The following EPM2A variants were observed in gnomAD, a reference collection of about 807,000 sequenced individuals.
EPM2A encodes the protein laforin.
In EPM2A, 21 loss-of-function variants were observed where a neutral mutation model predicts 26.5. That is an observed-to-expected ratio of 0.79 (90% confidence interval 0.56 to 1.14). The LOEUF (loss-of-function observed/expected upper bound fraction) is 1.14, where lower values mean the gene tolerates loss of function less well. Ranked by LOEUF, EPM2A falls within the 50% of genes most tolerant of loss-of-function variation. The pLI is 0.00. For missense variants in EPM2A, 458 were observed against 440.8 expected (o/e 1.04, Z -0.35); for synonymous variants, 217 against 177.6 (o/e 1.22, Z -1.76).
intron 2 of EPM2A, among the ~76,000 whole-genome samples, chr6:145,603,044 C>G (rs1167971340): frequency 1.3e-5 from 2 of 152,048 alleles, no homozygotes; most frequent in African/African-American, 4.8e-5. Context: ...ATGAAGTGGC[C>G]AGAGAGATCC....
intron 3 of EPM2A, chr6:145,634,365 C>G (rs1391326893): frequency 6.6e-6 from 1 of 152,516 alleles, no homozygotes; most frequent in East Asian, 1.9e-4. Context: ...CCCTAGCATG[C>G]CCTTTCTCCC....
At chr6:145,432,595 T>C (rs1778936167) in intron 4 of EPM2A, among the ~76,000 whole-genome samples, 1 of 152,096 alleles carries the variant, frequency 6.6e-6, no homozygotes, top group African/African-American at 2.4e-5. Flanking sequence ...AGCTTTCTTG[T>C]TCCATTTATA....
intron 4 of EPM2A, among the ~76,000 whole-genome samples, chr6:145,450,182 T>G (rs1281372281): frequency 6.6e-6 from 1 of 151,114 alleles, no homozygotes; most frequent in Non-Finnish European, 1.5e-5. Context: ...TGAAACCCCG[T>G]CTCTACTAAA....
At chr6:145,477,291 G>A (rs898351483) in intron 4 of EPM2A, among the ~76,000 whole-genome samples, 1 of 151,700 alleles carries the variant, frequency 6.6e-6, no homozygotes, top group Non-Finnish European at 1.5e-5. Flanking sequence ...ATAATAAAAA[G>A]TCTTCCAGTA....
chr6:145,707,049 G>C (rs1031315806), intron 1 of EPM2A, among the ~76,000 whole-genome samples: 12 of 152,176 alleles, frequency 7.9e-5, no homozygotes, highest in African/African-American at 2.7e-4. Flanking sequence ...GAAACAAAGA[G>C]AAAGCCAAAT....
chr6:145,718,476 G>T (rs1225023090), intron 1 of EPM2A, among the ~76,000 whole-genome samples: 1 of 151,940 alleles, frequency 6.6e-6, no homozygotes, highest in Non-Finnish European at 1.5e-5. Flanking sequence ...ATTCAAGACA[G>T]ATTAAAGACT....
At chr6:145,621,811 G>A (rs935730941), downstream of EPM2A, among the ~76,000 whole-genome samples, 5 of 151,988 alleles carry the variant, frequency 3.3e-5, no homozygotes, top group African/African-American at 9.7e-5. Context: ...TGCTTGTGAC[G>A]TGTTTGGGTT....
chr6:145,527,159 C>T (rs774767536), intron 2 of EPM2A, among the ~76,000 whole-genome samples: 7 of 151,880 alleles, frequency 4.6e-5, no homozygotes, highest in African/African-American at 7.3e-5. Flanking sequence ...TATTTGGTAT[C>T]ATTTTGATTT....
intron 2 of EPM2A, among the ~76,000 whole-genome samples, chr6:145,525,092 T>C (rs1780252545): frequency 6.6e-6 from 1 of 152,080 alleles, no homozygotes; most frequent in South Asian, 2.1e-4. Context: ...TATGCAGCTT[T>C]ATTTCTGGGT....
intron 4 of EPM2A, among the ~76,000 whole-genome samples, chr6:145,476,033 C>A (rs1779538909): frequency 6.6e-6 from 1 of 151,894 alleles, no homozygotes; most frequent in Non-Finnish European, 1.5e-5. Context: ...AAACATACTT[C>A]ACATATAAAG....
At chr6:145,482,028 A>G (rs1026148948) in intron 4 of EPM2A, among the ~76,000 whole-genome samples, 1 of 152,178 alleles carries the variant, frequency 6.6e-6, no homozygotes, top group Admixed American at 6.6e-5. Flanking sequence ...AAAAAAAGGC[A>G]TCATAAGAAA....
At chr6:145,419,189 C>T (rs546122115) in intron 4 of EPM2A, among the ~76,000 whole-genome samples, 6 of 150,390 alleles carry the variant, frequency 4.0e-5, no homozygotes, top group East Asian at 2.0e-4. Flanking sequence ...GTCCCCCCCC[C>T]CCGCTCCTTT....
chr6:145,398,545 C>A (rs2114664403), intron 4 of EPM2A, among the ~76,000 whole-genome samples: 1 of 152,208 alleles, frequency 6.6e-6, no homozygotes, highest in East Asian at 1.9e-4. Flanking sequence ...CAAGAGCTTC[C>A]TAAATCCATT....
At chr6:145,635,589 T>C (rs1776599875) in intron 2 of EPM2A, 103 bp from the exon 3 acceptor site, 7 of 1,140,930 alleles carry the variant, frequency 6.1e-6, no homozygotes, top group Non-Finnish European at 9.2e-6. Flanking sequence ...AACCTTTAAG[T>C]CTGGCACAGG....
At chr6:145,661,711 C>G (rs1210939551) in intron 2 of EPM2A, among the ~76,000 whole-genome samples, 1 of 152,172 alleles carries the variant, frequency 6.6e-6, no homozygotes, top group African/African-American at 2.4e-5. Flanking sequence ...AACTTTTACT[C>G]TACTTGATTT....
rs780826386 is a variant in EPM2A, at chr6:145,627,426, C to T, written c.986G>A (p.Cys329Tyr). ...QKFGKVRSSVCSL is the reference protein window; with the variant it reads ...QKFGKVRSSVYSL The stretch of plus-strand genomic sequence containing the variant: ...AAGCAGGCTGACCAGCTACAGGCTA[C>T]ACACAGAAGAACGAACCTTCCCAAA... Residue 329 changes from cysteine to tyrosine, a missense_variant, in exon 4 of 4, where the codon TGT (cysteine) becomes TAT (tyrosine). By Grantham distance (194) the Cys-to-Tyr change is radical. Coordinates refer to ENST00000367519, the MANE Select transcript of EPM2A (RefSeq NM_005670.4). The T allele has an allele frequency of 2.0e-5, 33 of 1,614,216 alleles. No individual in the cohort carries two copies. The highest frequency in any genetic ancestry group is 2.7e-5 in the Non-Finnish European group (32 of 1,180,054).
In EPM2A at chr6:145,542,656, C is replaced by T. The variant is rs74994259; in HGVS notation, c.341-40081G>A. 2.0e-4 allele frequency among the ~76,000 whole-genome samples: 30 copies of T among 152,288 alleles called. No homozygotes were observed. In the East Asian group the frequency reaches 5.6e-3, roughly 28 times the overall value. On this transcript the variant is annotated intron_variant, in intron 2 of 3. Coordinates refer to the EPM2A transcript ENST00000450221. The stretch of plus-strand genomic sequence containing the variant: ...GAAGCCAGGGACCCTTGTTAGTCCC[C>T]TCTGGACAGTCAAATGTTGTTTTGG...
intron 2 of EPM2A, among the ~76,000 whole-genome samples, chr6:145,527,240 A>G (rs113864821): frequency 2.6e-5 from 4 of 152,242 alleles, no homozygotes; most frequent in African/African-American, 9.6e-5. Context: ...TTCCATGTGC[A>G]GATGAGAAGA....
intron 2 of EPM2A, among the ~76,000 whole-genome samples, chr6:145,651,368 C>A (rs942276972): frequency 6.6e-6 from 1 of 152,082 alleles, no homozygotes; most frequent in African/African-American, 2.4e-5. Context: ...TTTGTGGCAC[C>A]CTGATGAAAA....
Sources: allele counts gnomAD v4.1 joint callset (sites outside exome capture counted in the v4.1 genomes callset), GRCh38; gene constraint gnomAD v4.1.1; transcripts MANE v1.5; gene names NCBI Gene and HGNC (gene_info 2026-07-23, HGNC 2026-07-21).